The following TMED8 variants were observed in gnomAD, a reference collection of about 807,000 sequenced individuals.
TMED8 encodes protein TMED8.
TMED8 carries 15 observed loss-of-function variants against 32.7 expected under a neutral mutation model. That is an observed-to-expected ratio of 0.46 (90% confidence interval 0.31 to 0.71). TMED8 has a LOEUF of 0.71. Among genes scored for constraint, TMED8 ranks in the 30% least tolerant of loss-of-function variants. The pLI, the probability that TMED8 is intolerant of heterozygous loss-of-function variation, is 0.06. For missense variants in TMED8, 390 were observed against 423.9 expected, an observed-to-expected ratio of 0.92 and a Z score of 0.70; for synonymous variants, 147 against 161.4, an observed-to-expected ratio of 0.91 and a Z score of 0.68.
chr14:77,364,757 C>A (rs1345952777), intron 1 of TMED8, among the ~76,000 whole-genome samples: 1 of 152,132 alleles, frequency 6.6e-6, no homozygotes, highest in East Asian at 1.9e-4. Flanking sequence ...AACTGAAAAA[C>A]CTTGTCAAGG....
chr14:77,372,925 TATATATATATATATATATA>T (rs1566696258), intron 1 of TMED8, among the ~76,000 whole-genome samples: 18 of 29,040 alleles, frequency 6.2e-4, no homozygotes, highest in Admixed American at 9.3e-4. Context: ...TATATATATA[TATATATATATATATATATA>T]TATATATATT....
intron 3 of TMED8, among the ~76,000 whole-genome samples, chr14:77,344,802 G>A (rs966689421): frequency 1.3e-5 from 2 of 152,170 alleles, no homozygotes; most frequent in African/African-American, 2.4e-5. Context: ...CATAATATCT[G>A]TTTCTGGAGA....
chr14:77,343,050 G>T (rs1892941793), intron 5 of TMED8, 128 bp downstream of exon 5: 3 of 932,682 alleles, frequency 3.2e-6, no homozygotes, highest in South Asian at 1.6e-5. Flanking sequence ...GTACCACTCA[G>T]CTTAGCTTGT....
rs1162379389 is a variant in TMED8, at chr14:77,343,265, G to A, written c.673C>T (p.Pro225Ser). Residue 225 changes from proline to serine, a missense_variant, in exon 5 of 6, where the codon CCT becomes TCT. Transcript: ENST00000216468. ...IGFGVYFDWT[P>S]VTSTDITVQV... ...ACAGTTATGTCAGTGCTAGTTACAG[G>A]GGTCCAGTCAAAATAAACTCCAAAG... The A allele has an allele frequency of 6.8e-6, 11 of 1,614,110 alleles. No homozygotes were observed. Among genetic ancestry groups the A allele is most frequent in the Non-Finnish European group, 9.3e-6 (11 of 1,180,040 alleles).
intron 1 of TMED8, among the ~76,000 whole-genome samples, chr14:77,359,148 A>C (rs920584426): frequency 1.2e-4 from 19 of 152,152 alleles, no homozygotes; most frequent in Admixed American, 5.9e-4. Context: ...GAGCTCAAGC[A>C]ATATGCCCAC....
At position 77,335,477 on chromosome 14, in the gene TMED8, G is replaced by C. The variant is rs1892739833; in HGVS notation, c.*6294C>G. On this transcript the variant is annotated 3_prime_UTR_variant, in exon 6 of 6. Coordinates refer to ENST00000216468, the MANE Select transcript of TMED8 (RefSeq NM_213601.3). ...ACAGTAAGAAAATAATGTCTTTGTA[G>C]TTGCCAATTGCTTAAATCTTTACGA... The C allele has an allele frequency of 1.3e-5, 2 of 152,190 alleles. No individual in the cohort carries two copies. The highest frequency in any genetic ancestry group is 4.8e-5 in the African/African-American group (2 of 41,442). The allele number at this position is 152,190 out of a possible 1,614,324, so 9.4% of individuals were successfully genotyped here.
chr14:77,340,712 T>G lies in TMED8; in HGVS notation c.*1059A>C, dbSNP rs1892876052. 1 of 152,154 alleles carries G rather than the reference T, an allele frequency of 6.6e-6. No homozygotes were observed. Among genetic ancestry groups the G allele is most frequent in the African/African-American group, 2.4e-5 (1 of 41,432 alleles). The allele number at this position is 152,154 out of a possible 1,614,324, so 9.4% of individuals were successfully genotyped here. A position where few individuals can be genotyped will look rare whatever the true frequency, so the allele number is the denominator to read the frequency against. On this transcript the variant is annotated 3_prime_UTR_variant, in exon 6 of 6. Transcript: ENST00000216468. Reference sequence around the variant, plus strand: ...AGTGAAGCTTCATTATCACCTAAACTAAGGGACTTTGAACACCAAAAGCTT... The same window carrying G: ...AGTGAAGCTTCATTATCACCTAAACGAAGGGACTTTGAACACCAAAAGCTT...
At position 77,343,883 on chromosome 14, in the gene TMED8, T is replaced by C. The variant is rs1892970592; in HGVS notation, c.328-60A>G. On this transcript the variant is annotated intron_variant, in intron 3 of 5. Coordinates refer to ENST00000216468, the MANE Select transcript of TMED8 (RefSeq NM_213601.3). ...AGTGGCAGATTCTAATTAATCTCTT[T>C]TTGCATGAAGGCTGCCCCACCCCTG... 14 of 1,568,094 alleles carry C rather than the reference T, an allele frequency of 8.9e-6. No individual in the cohort carries two copies. The South Asian group carries it at 1.6e-4, about 18-fold the overall frequency.
At chr14:77,348,512 C>T (rs552720444) in intron 2 of TMED8, among the ~76,000 whole-genome samples, 5 of 152,262 alleles carry the variant, frequency 3.3e-5, no homozygotes, top group South Asian at 2.1e-4. Context: ...CATGAGCCAC[C>T]GCGCCCGGCT....
chr14:77,361,852 C>T (rs1893443698), intron 1 of TMED8, among the ~76,000 whole-genome samples: 1 of 152,100 alleles, frequency 6.6e-6, no homozygotes, highest in Non-Finnish European at 1.5e-5. Flanking sequence ...TGCAGTGGCA[C>T]AATCACAGCT....
intron 1 of TMED8, among the ~76,000 whole-genome samples, chr14:77,363,601 C>T (rs576025957): frequency 6.6e-6 from 1 of 152,006 alleles, no homozygotes; most frequent in African/African-American, 2.4e-5. Flanking sequence ...CTGCAGTGAG[C>T]CATAATCATG....
In TMED8 at chr14:77,370,731, A is replaced by T. The variant is rs1225929842; in HGVS notation, c.118+6205T>A. On this transcript the variant is annotated intron_variant, in intron 1 of 5. Transcript: ENST00000216468. ...GTAGTCTTCCAAAGATGTTTTATGC[A>T]TATAAAAAAAAGTGTGTGTGTGTGT... Among the ~76,000 whole-genome samples the T allele has an allele frequency of 3.0e-5, 4 of 134,852 alleles. No homozygotes were observed. In the East Asian group the frequency reaches 8.0e-4, roughly 27 times the overall value. 88.5% of individuals were successfully genotyped at this position (134,852 alleles called of 152,430 possible).
At chr14:77,374,129 C>A (rs1161580017) in intron 1 of TMED8, among the ~76,000 whole-genome samples, 1 of 152,238 alleles carries the variant, frequency 6.6e-6, no homozygotes, top group East Asian at 1.9e-4. Context: ...TTTCTTACTG[C>A]TGTTTTCTCT....
chr14:77,372,611 A>G (rs1336609551), intron 1 of TMED8, among the ~76,000 whole-genome samples: 6 of 152,084 alleles, frequency 3.9e-5, no homozygotes, highest in African/African-American at 1.2e-4. Context: ...TGAGTGGGAC[A>G]TGCTCCTGAG....
rs1892846953 is a variant in TMED8 at position 77,339,650 on chromosome 14, T to C, written c.*2121A>G. 6.6e-6 allele frequency: 1 copy of C among 152,226 alleles called. No individual in the cohort carries two copies. Among genetic ancestry groups the C allele is most frequent in the Non-Finnish European group, 1.5e-5 (1 of 68,042 alleles). 9.4% of individuals were successfully genotyped at this position (152,226 alleles called of 1,614,324 possible). ...CAAGAGCGGTCACTCAGCTATCCAA[T>C]GGGATGACACACAGCAAATCAGCTC... is the stretch of plus-strand genomic sequence containing the variant. On this transcript the variant is annotated 3_prime_UTR_variant, in exon 6 of 6. Coordinates refer to ENST00000216468, the MANE Select transcript of TMED8 (RefSeq NM_213601.3).
chr14:77,350,671 G>C (rs909523144), intron 2 of TMED8, among the ~76,000 whole-genome samples: 1 of 152,048 alleles, frequency 6.6e-6, no homozygotes, highest in Non-Finnish European at 1.5e-5. Context: ...TTTAAGGCTC[G>C]GTGTGGTGGC....
intron 1 of TMED8, among the ~76,000 whole-genome samples, chr14:77,368,952 C>T (rs972935507): frequency 2.0e-5 from 3 of 152,140 alleles, no homozygotes; most frequent in Non-Finnish European, 4.4e-5. Flanking sequence ...TTTGTATGTC[C>T]TGTCTAAGAT....
At position 77,341,656 on chromosome 14, in the gene TMED8, G is replaced by T; in HGVS notation, c.*115C>A. On this transcript the variant is annotated 3_prime_UTR_variant, in exon 6 of 6. Coordinates refer to ENST00000216468, the MANE Select transcript of TMED8 (RefSeq NM_213601.3). ...AACAGTCAGGCATGCCAGACAGGGT[G>T]TGAGGCTCAGCAGCCCCCCATGAAC... 1 of 1,013,506 alleles carries T rather than the reference G, an allele frequency of 9.9e-7. No individual in the cohort carries two copies. The highest frequency in any genetic ancestry group is 1.5e-6 in the Non-Finnish European group (1 of 667,724). 62.8% of individuals were successfully genotyped at this position (1,013,506 alleles called of 1,614,324 possible).
rs1367945518 is a variant in TMED8 at position 77,339,127 on chromosome 14, T to G, written c.*2644A>C. On this transcript the variant is annotated 3_prime_UTR_variant, in exon 6 of 6. Transcript: ENST00000216468. The stretch of plus-strand genomic sequence containing the variant: ...AATTTGCTGGGCTGTGGGTTCTCAG[T>G]AATTACCTGTGCTTCAGTAAGTAGT... 6.6e-6 allele frequency: 1 copy of G among 152,230 alleles called. No homozygotes were observed. The highest frequency in any genetic ancestry group is 1.5e-5 in the Non-Finnish European group (1 of 68,040). 9.4% of individuals were successfully genotyped at this position (152,230 alleles called of 1,614,324 possible).
Sources: gnomAD v4.1 joint callset for allele counts (sites outside exome capture counted in the v4.1 genomes callset) on GRCh38, gnomAD v4.1.1 for gene constraint, MANE v1.5 for transcripts, NCBI Gene and HGNC (gene_info 2026-07-23, HGNC 2026-07-21) for gene names.